Variants in HYDIN observed in about 807,000 individuals in gnomAD.
HYDIN encodes HYDIN axonemal central pair apparatus protein.
HYDIN carries 132 observed loss-of-function variants against 403.9 expected under a neutral mutation model. The ratio of observed to expected loss-of-function variants is 0.33; its 90% confidence interval spans 0.28 to 0.38. The LOEUF is 0.38. Ranked by LOEUF, HYDIN falls within the 10% of genes least tolerant of loss-of-function variation. The pLI is 1.00. For missense variants in HYDIN, 2,827 were observed against 5,009.5 expected (o/e 0.56, Z 13.15); for synonymous variants, 1,202 against 1,891.7 (o/e 0.64, Z 9.46).
intron 5 of HYDIN, among the ~76,000 whole-genome samples, chr16:71,172,517 AT>A (rs79208260): frequency 7.2e-5 from 11 of 152,028 alleles, no homozygotes; most frequent in African/African-American, 2.4e-4. Flanking sequence ...ATATCCAATC[AT>A]TTTTTTTAAA....
intron 13 of HYDIN, among the ~76,000 whole-genome samples, chr16:71,078,872 C>T (rs1230177385): frequency 6.6e-6 from 1 of 152,216 alleles, no homozygotes; most frequent in Non-Finnish European, 1.5e-5. Flanking sequence ...TCCCACTATC[C>T]TTTTCCTTCT....
chr16:70,920,783 C>A lies in HYDIN; in HGVS notation c.7593G>T (p.Ala2531=), dbSNP rs185945967. 2 of 1,559,496 alleles carry A rather than the reference C, an allele frequency of 1.3e-6. No individual in the cohort carries two copies. The highest frequency in any genetic ancestry group is 1.7e-6 in the Non-Finnish European group (2 of 1,151,138). Reference sequence around the variant, plus strand: ...GCAGCTTCTCCAGGCGCTCCCGCTCCGCCTTCTCCCTCTCCAGGCGCTCCT... The same window carrying A: ...GCAGCTTCTCCAGGCGCTCCCGCTCAGCCTTCTCCCTCTCCAGGCGCTCCT... ...TEKERLEREK[A]ERERLEKLRA... is the part of the protein sequence containing the mutation. Residue 2531 remains alanine (A), a synonymous_variant, in exon 46 of 86, where the codon GCG becomes GCT. Coordinates refer to ENST00000393567, the MANE Select transcript of HYDIN (RefSeq NM_001270974.2).
chr16:70,902,960 CTT>C (rs11284295), intron 52 of HYDIN, among the ~76,000 whole-genome samples: 1 of 136,474 alleles, frequency 7.3e-6, no homozygotes, highest in Non-Finnish European at 1.6e-5. Flanking sequence ...TCTCTCTATG[CTT>C]TTTTTTTTTT....
chr16:70,895,479 G>A (rs2076175015), intron 54 of HYDIN, among the ~76,000 whole-genome samples: 1 of 152,058 alleles, frequency 6.6e-6, no homozygotes, highest in Non-Finnish European at 1.5e-5. Context: ...CTTTGAATGT[G>A]GAGAAAGGGG....
rs772606195 is a variant in HYDIN at position 70,955,408 on chromosome 16, T to C, written c.6283A>G (p.Ile2095Val). ...TCTCCTTCCTTCACGGACTGCTCTA[T>C]GGCAGCCCTGATGCAGAGCTCACGG... ...RARELCIRAA[I>V]EQSVKEGEEA... is the part of the protein sequence containing the mutation. The change falls in exon 40 of 86, where the codon ATA (isoleucine) becomes GTA (valine). Residue 2095 changes from isoleucine (I) to valine (V), a missense_variant. Coordinates refer to ENST00000393567, the MANE Select transcript of HYDIN (RefSeq NM_001270974.2). 3.8e-5 allele frequency: 62 copies of C among 1,613,704 alleles called. No individual in the cohort carries two copies. The East Asian group carries it at 9.8e-4, about 26-fold the overall frequency.
chr16:71,000,183 A>G (rs932244355), intron 23 of HYDIN, among the ~76,000 whole-genome samples: 1 of 152,156 alleles, frequency 6.6e-6, no homozygotes, highest in African/African-American at 2.4e-5. Context: ...AACCAAGCGG[A>G]CACATCCCTG....
intron 80 of HYDIN, 86 bp from the exon 81 acceptor site, chr16:70,829,916 A>G: frequency 1.6e-6 from 2 of 1,241,076 alleles, no homozygotes; most frequent in African/African-American, 1.5e-5. Flanking sequence ...GCGCTGGGGA[A>G]GACTGACTTT....
At chr16:70,942,532 G>A (rs2077712758) in intron 42 of HYDIN, among the ~76,000 whole-genome samples, 1 of 152,246 alleles carries the variant, frequency 6.6e-6, no homozygotes, top group Non-Finnish European at 1.5e-5. Context: ...CTGCCTTGGA[G>A]CGTAATGATT....
At chr16:70,888,349 T>C (rs1366648536) in intron 58 of HYDIN, among the ~76,000 whole-genome samples, 1 of 152,168 alleles carries the variant, frequency 6.6e-6, no homozygotes, top group Admixed American at 6.5e-5. Flanking sequence ...TTGGGCTGGC[T>C]TTCTTTTGGC....
Position 70,889,816 on chromosome 16 carries a change from C to T in HYDIN, c.9657-112G>A, listed in dbSNP as rs189633916. On this transcript the variant is annotated intron_variant, in intron 57 of 85. Coordinates refer to ENST00000393567, the MANE Select transcript of HYDIN (RefSeq NM_001270974.2). ...TTCTCCCAGGAATGGGGGAAGGGGC[C>T]CTTCTTTGCCCAAGAGGACACTGGA... 184 of 772,102 alleles carry T rather than the reference C, an allele frequency of 2.4e-4. 1 individual carries two copies. In the East Asian group the frequency reaches 4.4e-3, roughly 18 times the overall value. 47.8% of individuals were successfully genotyped at this position (772,102 alleles called of 1,614,324 possible).
At position 70,941,740 on chromosome 16, in the gene HYDIN, C is replaced by T. The variant is rs756093432; in HGVS notation, c.6749G>A (p.Cys2250Tyr). The change falls in exon 43 of 86, where the codon TGC (cysteine) becomes TAC (tyrosine). Residue 2250 changes from cysteine to tyrosine, a missense_variant. By Grantham distance (194) the Cys-to-Tyr change is radical. Transcript: ENST00000393567. ...CCGGCTGCCAATGGCCTTCAGCAGGCAGAGGAGGGCGGCTGCAGCATTCTG... is the reference window on the plus strand; with the variant it reads ...CCGGCTGCCAATGGCCTTCAGCAGGTAGAGGAGGGCGGCTGCAGCATTCTG... ...FAQNAAAALL[C>Y]LLKAIGSREH... The T allele has an allele frequency of 1.9e-5, 31 of 1,595,296 alleles. No individual in the cohort carries two copies. Among genetic ancestry groups the T allele is most frequent in the Non-Finnish European group, 2.6e-5 (30 of 1,171,844 alleles).
chr16:70,874,803 C>T lies in HYDIN; in HGVS notation c.10660+14G>A. The T allele has an allele frequency of 2.5e-6, 4 of 1,610,978 alleles. No individual in the cohort carries two copies. The highest frequency in any genetic ancestry group is 3.4e-6 in the Non-Finnish European group (4 of 1,178,578). ...AGATCCATTGCCCTCTAGAAGCACC[C>T]TCCCCACACTTACCTTTTACATGTG... On this transcript the variant is annotated intron_variant, in intron 63 of 85. Coordinates refer to ENST00000393567, the MANE Select transcript of HYDIN (RefSeq NM_001270974.2).
At chr16:70,853,201 G>A (rs1479416634) in intron 73 of HYDIN, among the ~76,000 whole-genome samples, 2 of 151,960 alleles carry the variant, frequency 1.3e-5, no homozygotes, top group East Asian at 3.9e-4. Context: ...TAAAAAAATT[G>A]TGACACCACT....
chr16:71,051,317 C>T (rs1219426987), intron 18 of HYDIN, among the ~76,000 whole-genome samples: 2 of 151,824 alleles, frequency 1.3e-5, no homozygotes, highest in Non-Finnish European at 2.9e-5. Context: ...GTGACATAGG[C>T]GTTTACCAAA....
chr16:71,085,480 AGGT>A (rs2082905337), intron 12 of HYDIN, among the ~76,000 whole-genome samples: 1 of 149,026 alleles, frequency 6.7e-6, no homozygotes, highest in Non-Finnish European at 1.5e-5. Flanking sequence ...TGTTAGGTCT[AGGT>A]GGTTTATAGT....
At chr16:70,902,964 T>G (rs1242332684) in intron 52 of HYDIN, among the ~76,000 whole-genome samples, 1 of 148,586 alleles carries the variant, frequency 6.7e-6, no homozygotes, top group Non-Finnish European at 1.5e-5. Context: ...TCTATGCTTT[T>G]TTTTTTTTTC....
chr16:71,020,146 T>C lies in HYDIN; in HGVS notation c.3330+28A>G, dbSNP rs779524245. ...CACACCCCGCCCCACCCCAGACAGC[T>C]TGCCAGAACAGACCCCTATTAAGGT... is the stretch of plus-strand genomic sequence containing the variant. On this transcript the variant is annotated intron_variant, in intron 22 of 85. Coordinates refer to ENST00000393567, the MANE Select transcript of HYDIN (RefSeq NM_001270974.2). 3 of 1,610,156 alleles carry C rather than the reference T, an allele frequency of 1.9e-6. No individual in the cohort carries two copies. In the African/African-American group the frequency reaches 4.0e-5, roughly 22 times the overall value.
At chr16:71,017,927 G>C (rs2080320863) in intron 23 of HYDIN, among the ~76,000 whole-genome samples, 1 of 151,922 alleles carries the variant, frequency 6.6e-6, no homozygotes, top group South Asian at 2.1e-4. Context: ...GACTTTCAAA[G>C]ATGTTTTATC....
At chr16:71,007,375 G>A (rs1183796794) in intron 23 of HYDIN, among the ~76,000 whole-genome samples, 1 of 152,154 alleles carries the variant, frequency 6.6e-6, no homozygotes. Flanking sequence ...TATTCAGGTA[G>A]AGTGTTCAGA....
Sources: allele counts gnomAD v4.1 joint callset (sites outside exome capture counted in the v4.1 genomes callset), GRCh38; gene constraint gnomAD v4.1.1; transcripts MANE v1.5; gene names NCBI Gene and HGNC (gene_info 2026-07-23, HGNC 2026-07-21).